The following IL1RAP variants were observed in gnomAD, a reference collection of about 807,000 sequenced individuals.
IL1RAP encodes the protein interleukin 1 receptor accessory protein, also known as interleukin-1 receptor accessory protein.
In IL1RAP, 35 loss-of-function variants were observed where a neutral mutation model predicts 60.7. The observed-to-expected ratio is 0.58, with a 90% CI of 0.44 to 0.76. IL1RAP has a LOEUF of 0.76. Ranked by LOEUF, IL1RAP falls within the 30% of genes least tolerant of loss-of-function variation. The pLI, the probability that IL1RAP is intolerant of heterozygous loss-of-function variation, is 0.00. For missense variants in IL1RAP, 572 were observed against 693.9 expected (o/e 0.82, Z 1.97); for synonymous variants, 268 against 250.9 (o/e 1.07, Z -0.64).
At chr3:190,573,502 A>G (rs1334569911) in intron 3 of IL1RAP, among the ~76,000 whole-genome samples, 1 of 152,200 alleles carries the variant, frequency 6.6e-6, no homozygotes, top group Non-Finnish European at 1.5e-5. Context: ...GAAGTGTTGG[A>G]GGACTTTCTC....
chr3:190,631,480 G>T (rs961106309), intron 9 of IL1RAP, among the ~76,000 whole-genome samples: 2 of 152,124 alleles, frequency 1.3e-5, no homozygotes, highest in African/African-American at 2.4e-5. Flanking sequence ...ATCACTGTTT[G>T]GTCACACCTG....
At chr3:190,625,874 C>T (rs1732219807) in intron 7 of IL1RAP, among the ~76,000 whole-genome samples, 1 of 152,164 alleles carries the variant, frequency 6.6e-6, no homozygotes, top group Non-Finnish European at 1.5e-5. Flanking sequence ...TCAAACTATG[C>T]TGACAGAAGG....
rs182070630 is a variant in IL1RAP, at chr3:190,657,479, G to A, written c.*872G>A. On this transcript the variant is annotated 3_prime_UTR_variant, in exon 12 of 12. Coordinates refer to the IL1RAP transcript ENST00000317757. ...AATTCCGTATTGTAAGTGATGTAGC[G>A]TAGAAATAGGTGCCTTCGTCCCATT... The A allele has an allele frequency of 8.5e-5, 13 of 152,294 alleles. 1 individual carries two copies. Among genetic ancestry groups the A allele is most frequent in the Admixed American group, 4.6e-4 (7 of 15,304 alleles). The allele number at this position is 152,294 out of a possible 1,614,324, so 9.4% of individuals were successfully genotyped here. A position where few individuals can be genotyped will look rare whatever the true frequency, so the allele number is the denominator to read the frequency against.
intron 11 of IL1RAP, among the ~76,000 whole-genome samples, chr3:190,647,864 A>G (rs990204128): frequency 6.6e-6 from 1 of 152,166 alleles, no homozygotes; most frequent in Non-Finnish European, 1.5e-5. Context: ...ATAAAATTCT[A>G]TTTTTTTGAT....
intron 3 of IL1RAP, among the ~76,000 whole-genome samples, chr3:190,584,889 G>GT (rs1342404934): frequency 1.3e-5 from 2 of 152,142 alleles, no homozygotes; most frequent in Non-Finnish European, 2.9e-5. Context: ...GAACTTCTAG[G>GT]TTTTTTCAGA....
intron 7 of IL1RAP, 138 bp from the exon 8 acceptor site, chr3:190,627,185 A>G (rs746584272): frequency 1.6e-4 from 107 of 677,892 alleles, no homozygotes; most frequent in Non-Finnish European, 2.2e-4. Flanking sequence ...GTAGCTTCTG[A>G]TTAGCCAGAG....
chr3:190,611,410 A>G (rs1730812510), intron 5 of IL1RAP, among the ~76,000 whole-genome samples: 1 of 152,216 alleles, frequency 6.6e-6, no homozygotes, highest in Admixed American at 6.5e-5. Flanking sequence ...AGACTATGTG[A>G]AACTCTATGG....
intron 9 of IL1RAP, among the ~76,000 whole-genome samples, chr3:190,641,090 C>T (rs927395095): frequency 1.3e-5 from 2 of 152,112 alleles, no homozygotes; most frequent in African/African-American, 2.4e-5. Context: ...CTCAGCCTCC[C>T]GAGTAGCTGG....
At chr3:190,591,584 G>A (rs540210111) in intron 3 of IL1RAP, among the ~76,000 whole-genome samples, 2 of 152,252 alleles carry the variant, frequency 1.3e-5, no homozygotes, top group East Asian at 3.9e-4. Context: ...ATGATAACAT[G>A]TGAAATAACT....
intron 1 of IL1RAP, among the ~76,000 whole-genome samples, chr3:190,532,222 G>A (rs138665005): frequency 0.01 from 1,549 of 151,764 alleles, 8 homozygotes; most frequent in Non-Finnish European, 0.017. Context: ...CTTACTGTGT[G>A]CCAGGTGCTT....
intron 6 of IL1RAP, among the ~76,000 whole-genome samples, chr3:190,621,280 C>A (rs1034413519): frequency 2.0e-5 from 3 of 152,156 alleles, no homozygotes; most frequent in African/African-American, 7.2e-5. Flanking sequence ...CTGCTCAGGG[C>A]TTTTTCTACT....
At chr3:190,555,302 C>CTCTCTACTCCGCTTCCT (rs141347642) in intron 1 of IL1RAP, among the ~76,000 whole-genome samples, 29,062 of 151,232 alleles carry the variant, frequency 0.19, 3,095 homozygotes, top group African/African-American at 0.29. Flanking sequence ...TTCCTCCCTC[C>CTCTCTACTCCGCTTCCT]TCTCTACTCC....
At chr3:190,623,084 T>C (rs555401124) in intron 6 of IL1RAP, among the ~76,000 whole-genome samples, 1 of 152,316 alleles carries the variant, frequency 6.6e-6, no homozygotes, top group African/African-American at 2.4e-5. Context: ...ATTACCCCTG[T>C]CACACAGGAA....
At chr3:190,564,430 A>T in intron 3 of IL1RAP, 77 bp downstream of exon 3, 1 of 893,156 alleles carries the variant, frequency 1.1e-6, no homozygotes, top group Non-Finnish European at 1.9e-6. Context: ...CCTGAAAATG[A>T]ATTTAAATAA....
In IL1RAP at chr3:190,651,343, T is replaced by TA. The variant is rs1734389132; in HGVS notation, c.*2638_*2639insA. ...AGGACTCTAATAAAAAATCACTTCATTGTATTTGGAAACAAAAACATCATT... is the reference window on the plus strand; with the variant it reads ...AGGACTCTAATAAAAAATCACTTCATATGTATTTGGAAACAAAAACATCATT... On this transcript the variant is annotated 3_prime_UTR_variant, in exon 12 of 12. Transcript: ENST00000447382. The TA allele has an allele frequency of 2.2e-6, 2 of 902,244 alleles. No homozygotes were observed. Among genetic ancestry groups the TA allele is most frequent in the African/African-American group, 3.6e-5 (2 of 55,522 alleles). 55.9% of individuals were successfully genotyped at this position (902,244 alleles called of 1,614,324 possible). A position where few individuals can be genotyped will look rare whatever the true frequency, so the allele number is the denominator to read the frequency against.
chr3:190,615,217 C>T, intron 5 of IL1RAP: 1 of 685,914 alleles, frequency 1.5e-6, no homozygotes, highest in South Asian at 1.5e-5. Context: ...GGAAAGCAAA[C>T]CATAGTTTGT....
chr3:190,576,978 G>A (rs1167399154), intron 3 of IL1RAP, among the ~76,000 whole-genome samples: 5 of 151,896 alleles, frequency 3.3e-5, no homozygotes, highest in African/African-American at 1.2e-4. Context: ...GCGGGCGCCT[G>A]TAGTCCCAGC....
chr3:190,521,429 C>A (rs1164741154), intron 1 of IL1RAP, among the ~76,000 whole-genome samples: 1 of 151,718 alleles, frequency 6.6e-6, no homozygotes. Context: ...GGACTTGGAC[C>A]CTAGTTTTCT....
intron 7 of IL1RAP, among the ~76,000 whole-genome samples, chr3:190,626,310 T>A (rs1413715561): frequency 6.6e-6 from 1 of 152,224 alleles, no homozygotes; most frequent in Non-Finnish European, 1.5e-5. Flanking sequence ...TTAATAAATA[T>A]AAATATTTAG....
Sources: allele counts gnomAD v4.1 joint callset (sites outside exome capture counted in the v4.1 genomes callset), GRCh38; gene constraint gnomAD v4.1.1; transcripts MANE v1.5; gene names NCBI Gene and HGNC (gene_info 2026-07-23, HGNC 2026-07-21).